FAM13A: variants seen among roughly 807,000 people sequenced by gnomAD.
FAM13A encodes the protein family with sequence similarity 13 member A.
A neutral mutation model predicts 129.6 loss-of-function variants in FAM13A; 76 were observed. That is an observed-to-expected ratio of 0.59 (90% CI 0.49 to 0.71). The LOEUF is 0.71. FAM13A is among the 30% of genes least tolerant of loss of function. The probability of loss-of-function intolerance (pLI) is 0.00; values close to 1 mark genes in which losing one functional copy is unlikely to be tolerated. For missense variants in FAM13A, 1,108 were observed against 1,249.3 expected (o/e 0.89, Z 1.70); for synonymous variants, 443 against 449.9 (o/e 0.98, Z 0.20).
chr4:88,995,098 A>ACG lies in FAM13A; in HGVS notation c.428-3949_428-3948insCG, dbSNP rs1341173832. On this transcript the variant is annotated intron_variant, in intron 3 of 23. Coordinates refer to ENST00000264344, the MANE Select transcript of FAM13A (RefSeq NM_014883.4). ...TCCAAAATGTATATTTGTTGCACAC[A>ACG]CACACCCAAAATGTATATTTGTTGC... 9.0e-4 allele frequency among the ~76,000 whole-genome samples: 136 copies of ACG among 151,892 alleles called. 4 individuals are homozygous for ACG. The highest frequency in any genetic ancestry group is 3.0e-3 in the African/African-American group (125 of 41,304).
intron 6 of FAM13A, among the ~76,000 whole-genome samples, chr4:88,861,026 C>T (rs1020923530): frequency 6.6e-6 from 1 of 152,112 alleles, no homozygotes; most frequent in Non-Finnish European, 1.5e-5. Flanking sequence ...TTCTCTGTTG[C>T]CAGCTGCATG....
chr4:88,865,807 C>T (rs924076875), intron 6 of FAM13A, among the ~76,000 whole-genome samples: 5 of 151,494 alleles, frequency 3.3e-5, no homozygotes, highest in African/African-American at 1.2e-4. Context: ...GGGATTTGGC[C>T]TGTGGGCCAC....
At chr4:88,796,426 T>C (rs1261442725) in intron 8 of FAM13A, among the ~76,000 whole-genome samples, 4 of 152,022 alleles carry the variant, frequency 2.6e-5, no homozygotes, top group African/African-American at 9.6e-5. Context: ...TTGAGCTCTA[T>C]ATTATGCAAA....
At chr4:88,783,920 G>A (rs1041663174) in intron 10 of FAM13A, among the ~76,000 whole-genome samples, 8 of 152,112 alleles carry the variant, frequency 5.3e-5, no homozygotes, top group Non-Finnish European at 8.8e-5. Flanking sequence ...TGAACTTACA[G>A]CTTCTAGAAC....
At chr4:88,959,746 T>C (rs556466227) in intron 4 of FAM13A, among the ~76,000 whole-genome samples, 97 of 152,370 alleles carry the variant, frequency 6.4e-4, no homozygotes, top group African/African-American at 2.3e-3. Flanking sequence ...CAAGATCTTT[T>C]ACTTAATAAC....
At chr4:88,812,617 A>G (rs1578776086) in intron 7 of FAM13A, among the ~76,000 whole-genome samples, 2 of 152,150 alleles carry the variant, frequency 1.3e-5, no homozygotes, top group African/African-American at 4.8e-5. Context: ...AGCCATCTCT[A>G]GCACCCTGGA....
intron 11 of FAM13A, among the ~76,000 whole-genome samples, chr4:88,780,285 T>C (rs1410103556): frequency 6.6e-6 from 1 of 152,118 alleles, no homozygotes; most frequent in Non-Finnish European, 1.5e-5. Context: ...AGAAAATAGG[T>C]GGCCCATGAA....
Position 88,875,768 on chromosome 4 carries a change from C to T in FAM13A, c.844-24585G>A, listed in dbSNP as rs867677699. Among the ~76,000 whole-genome samples the T allele has an allele frequency of 1.1e-4, 17 of 152,182 alleles. No individual in the cohort carries two copies. In the East Asian group the frequency reaches 1.2e-3, roughly 10 times the overall value. On this transcript the variant is annotated intron_variant, in intron 6 of 23. Coordinates refer to ENST00000264344, the MANE Select transcript of FAM13A (RefSeq NM_014883.4). ...AGGATCTAGAACTAGAAATACCATT[C>T]GACCCCGTGATCTCATTATTGGATA...
intron 7 of FAM13A, among the ~76,000 whole-genome samples, chr4:88,813,232 C>T (rs1174697466): frequency 1.3e-5 from 2 of 152,154 alleles, no homozygotes; most frequent in Non-Finnish European, 2.9e-5. Flanking sequence ...AATTATTTCA[C>T]TTCACGCCAA....
intron 6 of FAM13A, among the ~76,000 whole-genome samples, chr4:88,886,426 T>C (rs759873004): frequency 6.6e-6 from 1 of 151,354 alleles, no homozygotes; most frequent in Non-Finnish European, 1.5e-5. Context: ...CCATCTCTAC[T>C]AGAATTACAA....
chr4:88,860,125 C>T (rs900267391), intron 6 of FAM13A, among the ~76,000 whole-genome samples: 2 of 151,982 alleles, frequency 1.3e-5, no homozygotes, highest in African/African-American at 2.4e-5. Context: ...AAAAATAATA[C>T]ATTCAAAAAA....
chr4:88,966,826 A>G (rs1759415690), intron 4 of FAM13A, among the ~76,000 whole-genome samples: 1 of 152,140 alleles, frequency 6.6e-6, no homozygotes, highest in South Asian at 2.1e-4. Flanking sequence ...GAAACACTCC[A>G]CTCACTAAAC....
intron 4 of FAM13A, among the ~76,000 whole-genome samples, chr4:88,987,684 T>C (rs1033718334): frequency 3.3e-5 from 5 of 151,220 alleles, no homozygotes; most frequent in Admixed American, 1.3e-4. Context: ...CTACTAAAAA[T>C]ACAAAAAATT....
chr4:89,001,741 T>C (rs1426563733), intron 3 of FAM13A, among the ~76,000 whole-genome samples: 1 of 152,122 alleles, frequency 6.6e-6, no homozygotes, highest in Non-Finnish European at 1.5e-5. Flanking sequence ...ATCAAGATAG[T>C]GTAGATAAAA....
chr4:89,033,136 A>ACACT (rs1553927666), intron 1 of FAM13A, among the ~76,000 whole-genome samples: 14,976 of 149,744 alleles, frequency 0.1, 752 homozygotes, highest in African/African-American at 0.13. Context: ...ACACACACAC[A>ACACT]CTCTCTCTCT....
intron 8 of FAM13A, among the ~76,000 whole-genome samples, 154 bp from the exon 9 acceptor site, chr4:88,790,781 T>C (rs1270077175): frequency 6.6e-6 from 1 of 152,124 alleles, no homozygotes; most frequent in African/African-American, 2.4e-5. Context: ...ATGCTCATTT[T>C]CACTTGTTTC....
In FAM13A at chr4:88,726,017, A is replaced by G. The variant is rs1031051960; in HGVS notation, c.*2516T>C. The G allele has an allele frequency of 3.3e-5, 5 of 152,232 alleles. No individual in the cohort carries two copies. The highest frequency in any genetic ancestry group is 1.2e-4 in the African/African-American group (5 of 41,462). The allele number at this position is 152,232 out of a possible 1,614,324, so 9.4% of individuals were successfully genotyped here. ...ACTTACACTTATGAAATAACTCTTGACATTTATTTTGTTGGCATGTGCTAA... is the reference window on the plus strand; with the variant it reads ...ACTTACACTTATGAAATAACTCTTGGCATTTATTTTGTTGGCATGTGCTAA... On this transcript the variant is annotated 3_prime_UTR_variant, in exon 24 of 24. Coordinates refer to ENST00000264344, the MANE Select transcript of FAM13A (RefSeq NM_014883.4).
chr4:88,888,770 T>TAAA (rs35786527), intron 6 of FAM13A, among the ~76,000 whole-genome samples: 1 of 133,832 alleles, frequency 7.5e-6, no homozygotes, highest in Admixed American at 7.5e-5. Flanking sequence ...CTAAAAATAC[T>TAAA]AAAAAAAAAA....
At chr4:88,849,707 G>A (rs1737229675) in intron 7 of FAM13A, among the ~76,000 whole-genome samples, 1 of 151,994 alleles carries the variant, frequency 6.6e-6, no homozygotes, top group South Asian at 2.1e-4. Context: ...TAACACAGGG[G>A]CCTCGTTGGT....
Sources: gnomAD v4.1 joint callset for allele counts (sites outside exome capture counted in the v4.1 genomes callset) on GRCh38, gnomAD v4.1.1 for gene constraint, MANE v1.5 for transcripts, NCBI Gene and HGNC (gene_info 2026-07-23, HGNC 2026-07-21) for gene names.